The following AK6 variants were observed in gnomAD, a reference collection of about 807,000 sequenced individuals.
AK6 encodes adenylate kinase isoenzyme 6.
Under a neutral mutation model 23.7 loss-of-function variants are expected in AK6, and 24 were observed. That is an observed-to-expected ratio of 1.01 (90% CI 0.73 to 1.43). AK6 has a LOEUF of 1.43. Among genes scored for constraint, AK6 ranks in the 40% most tolerant of loss-of-function variants. The pLI, the probability that AK6 is intolerant of heterozygous loss-of-function variation, is 0.00. For synonymous variants in AK6, 73 were observed against 69.8 expected, an observed-to-expected ratio of 1.05 and a Z score of -0.23; for missense variants, 191 against 199.1, an observed-to-expected ratio of 0.96 and a Z score of 0.24.
chr5:69,367,067 A>G (rs1326682350), intron 1 of AK6, among the ~76,000 whole-genome samples: 1 of 152,018 alleles, frequency 6.6e-6, no homozygotes, highest in Non-Finnish European at 1.5e-5. Flanking sequence ...CCATATGTAA[A>G]TTAGCATGTA....
chr5:69,356,462 A>G (rs1048910226), intron 2 of AK6, among the ~76,000 whole-genome samples: 8 of 151,832 alleles, frequency 5.3e-5, no homozygotes, highest in Admixed American at 1.3e-4. Context: ...AGCCTGGGCA[A>G]TATGTTGAGA....
At chr5:69,368,002 CA>C (rs1762555851) in intron 1 of AK6, 1 of 152,040 alleles carries the variant, frequency 6.6e-6, no homozygotes, top group Non-Finnish European at 1.5e-5. Context: ...CTGTCTCAAA[CA>C]AAAACAAAAA....
chr5:69,354,768 G>A (rs1326479339), intron 4 of AK6, among the ~76,000 whole-genome samples: 1 of 152,182 alleles, frequency 6.6e-6, no homozygotes, highest in Non-Finnish European at 1.5e-5. Flanking sequence ...GAATATGTTA[G>A]GGGCTTGGCT....
intron 2 of AK6, among the ~76,000 whole-genome samples, chr5:69,360,662 T>C (rs1437984711): frequency 2.6e-5 from 4 of 152,008 alleles, no homozygotes; most frequent in Non-Finnish European, 2.9e-5. Flanking sequence ...GAGGCAAAGA[T>C]AGGGAGAGAG....
chr5:69,363,293 T>A (rs999410765), intron 2 of AK6, among the ~76,000 whole-genome samples: 1 of 152,242 alleles, frequency 6.6e-6, no homozygotes. Flanking sequence ...AAGTGCCTTA[T>A]ACTGGATTGT....
At chr5:69,356,228 C>G (rs1447817189) in intron 2 of AK6, among the ~76,000 whole-genome samples, 5 of 152,130 alleles carry the variant, frequency 3.3e-5, no homozygotes, top group African/African-American at 1.2e-4. Flanking sequence ...GAGTGAATAA[C>G]CAACTTCAGA....
chr5:69,364,900 G>T (rs1762348417), intron 2 of AK6: 3 of 1,536,770 alleles, frequency 2.0e-6, no homozygotes, highest in Non-Finnish European at 1.8e-6. Context: ...TCAGTACAAT[G>T]AATTCAAGAC....
chr5:69,369,520 C>G lies in AK6; in HGVS notation c.-30G>C, dbSNP rs200902755. The G allele has an allele frequency of 1.2e-4, 196 of 1,611,138 alleles. No homozygotes were observed. The African/African-American group carries it at 1.6e-3, about 13-fold the overall frequency. On this transcript the variant is annotated 5_prime_UTR_variant, in exon 1 of 5. Transcript: ENST00000380822. ...CCCGCCGCGACGGCTTCGGGCGCCT[C>G]GCTCACGTGCCCTTTGCTCTACAGG...
intron 4 of AK6, chr5:69,355,349 C>T (rs944061043): frequency 3.7e-6 from 1 of 273,562 alleles, no homozygotes; most frequent in Non-Finnish European, 6.8e-6. Flanking sequence ...GTCTGGGCAA[C>T]ATGGGAGACC....
Position 69,360,762 on chromosome 5 carries a change from T to C in AK6, c.122-4809A>G, listed in dbSNP as rs925845942. ...GAGAAAAATGGGATTCAGAAAAGGA[T>C]AGAACAGGGATCAGCATTTTTTCTT... On this transcript the variant is annotated intron_variant, in intron 2 of 4. Coordinates refer to ENST00000380822, the MANE Select transcript of AK6 (RefSeq NM_016283.5). 2.0e-5 allele frequency among the ~76,000 whole-genome samples: 3 copies of C among 152,040 alleles called. No homozygotes were observed. The South Asian group carries it at 6.2e-4, about 32-fold the overall frequency.
chr5:69,355,965 T>C lies in AK6; in HGVS notation c.122-12A>G, dbSNP rs377194736. On this transcript the variant is annotated splice_polypyrimidine_tract_variant and intron_variant, in intron 2 of 4. Coordinates refer to ENST00000380822, the MANE Select transcript of AK6 (RefSeq NM_016283.5). The stretch of plus-strand genomic sequence containing the variant: ...ATCATACAATTGCTCTAAAAGAGAT[T>C]TAGAATTGCTTGTTGAAATATTTTC... 1.9e-6 allele frequency: 3 copies of C among 1,583,424 alleles called. No individual in the cohort carries two copies. Among genetic ancestry groups the C allele is most frequent in the African/African-American group, 2.7e-5 (2 of 73,254 alleles).
rs1368217964 is a variant in AK6, at chr5:69,355,636, T to G, written c.326+13A>C. ...CATTATGCTTTAAGAATCTAATGTTTTTCCTTTCTTACCTTGTTTCAAGTC... is the reference window on the plus strand; with the variant it reads ...CATTATGCTTTAAGAATCTAATGTTGTTCCTTTCTTACCTTGTTTCAAGTC... On this transcript the variant is annotated intron_variant, in intron 4 of 4. Coordinates refer to ENST00000380822, the MANE Select transcript of AK6 (RefSeq NM_016283.5). The G allele has an allele frequency of 6.3e-7, 1 of 1,579,198 alleles. No individual in the cohort carries two copies. Among genetic ancestry groups the G allele is most frequent in the Non-Finnish European group, 8.6e-7 (1 of 1,166,470 alleles).
upstream of AK6, chr5:69,369,698 G>C: frequency 1.3e-6 from 2 of 1,552,848 alleles, no homozygotes. Flanking sequence ...GTTGGAGGGT[G>C]GGCATAACTC....
At position 69,351,016 on chromosome 5, in the gene AK6, G is replaced by C. The variant is rs1561210738; in HGVS notation, c.*1045C>G. The C allele has an allele frequency of 6.6e-6, 1 of 152,204 alleles. No individual in the cohort carries two copies. Among genetic ancestry groups the C allele is most frequent in the Non-Finnish European group, 1.5e-5 (1 of 68,060 alleles). 9.4% of individuals were successfully genotyped at this position (152,204 alleles called of 1,614,324 possible). On this transcript the variant is annotated 3_prime_UTR_variant, in exon 5 of 5. Transcript: ENST00000380822. ...TAATCCCATTTATATGAAATATCCA[G>C]AATATGCAAATCCATAGAGACAGAA...
At chr5:69,369,529 G>A (rs754156484), upstream of AK6, 4 of 1,611,308 alleles carry the variant, frequency 2.5e-6, no homozygotes, top group South Asian at 4.4e-5. Context: ...TCGCTCACGT[G>A]CCCTTTGCTC....
Position 69,366,537 on chromosome 5 carries a change from C to T in AK6, c.87G>A (p.Leu29=). 6.2e-7 allele frequency: 1 copy of T among 1,614,000 alleles called. No individual in the cohort carries two copies. Residue 29 remains leucine (L), a synonymous_variant, in exon 2 of 5, where the codon CTG becomes CTA. Transcript: ENST00000380822. ...CTAAATCACCCACATTAATGTATTT[C>T]AGTCCTGATTTTGACGCAAGTTCTT... ...LGKELASKSG[L]KYINVGDLAR... is the part of the protein sequence containing the mutation.
At chr5:69,356,952 G>T (rs550154845) in intron 2 of AK6, among the ~76,000 whole-genome samples, 2 of 152,108 alleles carry the variant, frequency 1.3e-5, no homozygotes, top group Non-Finnish European at 2.9e-5. Flanking sequence ...CTTTCAGGAG[G>T]TAAGACATAC....
intron 1 of AK6, 31 bp from the exon 2 acceptor site, chr5:69,366,626 T>C (rs1762438075): frequency 6.8e-7 from 1 of 1,480,342 alleles, no homozygotes; most frequent in Non-Finnish European, 9.4e-7. Context: ...AAATACTGTT[T>C]GTGAAATACT....
intron 2 of AK6, among the ~76,000 whole-genome samples, chr5:69,361,580 A>G (rs1240989238): frequency 6.7e-6 from 1 of 149,580 alleles, no homozygotes; most frequent in East Asian, 2.0e-4. Flanking sequence ...CTGGGATTAC[A>G]GGCACCCTCA....
Sources: gnomAD v4.1 joint callset for allele counts (sites outside exome capture counted in the v4.1 genomes callset) on GRCh38, gnomAD v4.1.1 for gene constraint, MANE v1.5 for transcripts, NCBI Gene and HGNC (gene_info 2026-07-23, HGNC 2026-07-21) for gene names.